CNTN6: variants seen among roughly 807,000 people sequenced by gnomAD.
CNTN6 encodes the protein contactin 6.
Under a neutral mutation model 122.8 loss-of-function variants are expected in CNTN6, and 137 were observed. The observed-to-expected ratio is 1.12, with a 90% CI of 0.97 to 1.29. The LOEUF is 1.29. CNTN6 is among the 50% of genes most tolerant of loss of function. The pLI, the probability that CNTN6 is intolerant of heterozygous loss-of-function variation, is 0.00. For synonymous variants in CNTN6, 570 were observed against 426.0 expected, an observed-to-expected ratio of 1.34 and a Z score of -4.16; for missense variants, 1,634 against 1,223.4, an observed-to-expected ratio of 1.34 and a Z score of -5.01.
chr3:1,252,120 T>G (rs1026471005), intron 4 of CNTN6, among the ~76,000 whole-genome samples: 1 of 152,210 alleles, frequency 6.6e-6, no homozygotes, highest in Non-Finnish European at 1.5e-5. Context: ...CTGAAGGTTT[T>G]GGCCTTTTAT....
intron 1 of CNTN6, among the ~76,000 whole-genome samples, chr3:1,123,267 C>T (rs1280753023): frequency 1.3e-5 from 2 of 151,814 alleles, no homozygotes; most frequent in African/African-American, 2.4e-5. Context: ...CATTAAGCCT[C>T]CTAATCCATG....
chr3:1,245,265 ATATATATATACACAC>A (rs1559596573), intron 4 of CNTN6, among the ~76,000 whole-genome samples: 218 of 4,984 alleles, frequency 0.044, 14 homozygotes, highest in South Asian at 0.13. Flanking sequence ...TAACATATAT[ATATATATATACACAC>A]ACATATATAT....
intron 9 of CNTN6, among the ~76,000 whole-genome samples, chr3:1,326,937 G>T (rs1031978638): frequency 5.9e-4 from 89 of 152,000 alleles, no homozygotes; most frequent in African/African-American, 2.1e-3. Flanking sequence ...CCCACATGGG[G>T]TTCTGTAACA....
intron 5 of CNTN6, among the ~76,000 whole-genome samples, chr3:1,292,860 A>T (rs969646382): frequency 2.6e-5 from 4 of 152,164 alleles, no homozygotes; most frequent in African/African-American, 9.7e-5. Flanking sequence ...ACCACTGTAT[A>T]CATCTCCAGG....
chr3:1,373,844 T>C, intron 15 of CNTN6, 80 bp from the exon 16 acceptor site: 1 of 1,455,644 alleles, frequency 6.9e-7, no homozygotes, highest in Non-Finnish European at 9.1e-7. Context: ...ACATTTTAAA[T>C]TAATAATTAT....
At chr3:1,215,480 T>G (rs906038623) in intron 2 of CNTN6, among the ~76,000 whole-genome samples, 1 of 152,362 alleles carries the variant, frequency 6.6e-6, no homozygotes, top group African/African-American at 2.4e-5. Context: ...GTTGCCTGGG[T>G]TACAGTTTGC....
chr3:1,138,928 A>G (rs2092548281), intron 1 of CNTN6, among the ~76,000 whole-genome samples: 1 of 151,972 alleles, frequency 6.6e-6, no homozygotes, highest in Non-Finnish European at 1.5e-5. Context: ...TATCTGATAT[A>G]CTCACTATCT....
chr3:1,220,836 C>G, intron 3 of CNTN6, 23 bp downstream of exon 3: 1 of 1,575,596 alleles, frequency 6.3e-7, no homozygotes. Flanking sequence ...CTGTGGGCAC[C>G]ACACTATTTT....
intron 4 of CNTN6, among the ~76,000 whole-genome samples, chr3:1,231,453 A>G (rs2094351683): frequency 6.6e-6 from 1 of 152,208 alleles, no homozygotes; most frequent in South Asian, 2.1e-4. Flanking sequence ...ATACCTCTAG[A>G]TAATTGATGG....
At chr3:1,336,778 A>G (rs13325400) in intron 11 of CNTN6, among the ~76,000 whole-genome samples, 2,578 of 152,156 alleles carry the variant, frequency 0.017, 82 homozygotes, top group African/African-American at 0.058. Flanking sequence ...TCAAACCTCA[A>G]ATTTAGAGCA....
chr3:1,333,456 C>T (rs536740997), intron 11 of CNTN6, among the ~76,000 whole-genome samples: 2 of 151,832 alleles, frequency 1.3e-5, no homozygotes, highest in Non-Finnish European at 2.9e-5. Context: ...AAACATGACA[C>T]AGTTGTATAT....
chr3:1,324,410 T>C (rs1701263622), intron 8 of CNTN6, among the ~76,000 whole-genome samples: 2 of 149,638 alleles, frequency 1.3e-5, no homozygotes, highest in African/African-American at 5.1e-5. Context: ...CTGTGCGTTG[T>C]AGATGTAACC....
At chr3:1,390,202 C>A (rs1693903031) in intron 20 of CNTN6, among the ~76,000 whole-genome samples, 1 of 151,990 alleles carries the variant, frequency 6.6e-6, no homozygotes. Context: ...GAGATTATAA[C>A]AAACTATCTC....
intron 1 of CNTN6, among the ~76,000 whole-genome samples, chr3:1,139,992 T>C (rs887172626): frequency 3.3e-5 from 5 of 152,184 alleles, no homozygotes; most frequent in African/African-American, 1.2e-4. Flanking sequence ...TATAGAAATA[T>C]GTATTTCTTC....
intron 1 of CNTN6, among the ~76,000 whole-genome samples, chr3:1,129,101 C>G (rs1203361862): frequency 1.3e-5 from 2 of 151,940 alleles, no homozygotes; most frequent in Non-Finnish European, 2.9e-5. Flanking sequence ...TGCTTGGGAA[C>G]TACTTAGGGA....
At chr3:1,232,705 C>A (rs2094368102) in intron 4 of CNTN6, among the ~76,000 whole-genome samples, 1 of 152,166 alleles carries the variant, frequency 6.6e-6, no homozygotes, top group African/African-American at 2.4e-5. Flanking sequence ...CTACCACCTA[C>A]TGCACTGTCC....
intron 5 of CNTN6, among the ~76,000 whole-genome samples, chr3:1,285,770 C>G (rs895232892): frequency 6.6e-6 from 1 of 152,154 alleles, no homozygotes; most frequent in Non-Finnish European, 1.5e-5. Context: ...ATTCCACTCC[C>G]TAATTTTCTC....
chr3:1,200,387 G>A (rs941916540), intron 2 of CNTN6, among the ~76,000 whole-genome samples: 5 of 152,102 alleles, frequency 3.3e-5, no homozygotes, highest in South Asian at 2.1e-4. Context: ...TGAGCACTGC[G>A]TGGGCTTAGT....
At chr3:1,094,698 C>G (rs1242493422) in intron 1 of CNTN6, among the ~76,000 whole-genome samples, 1 of 150,690 alleles carries the variant, frequency 6.6e-6, no homozygotes, top group Admixed American at 6.6e-5. Flanking sequence ...AGAACCCCCT[C>G]TAAAAAAAAT....
Sources: allele counts gnomAD v4.1 joint callset (sites outside exome capture counted in the v4.1 genomes callset), GRCh38; gene constraint gnomAD v4.1.1; transcripts MANE v1.5; gene names NCBI Gene and HGNC (gene_info 2026-07-23, HGNC 2026-07-21).